DLGAP1: variants seen among roughly 807,000 people sequenced by gnomAD.
DLGAP1 encodes disks large-associated protein 1.
Under a neutral mutation model 90.8 loss-of-function variants are expected in DLGAP1, and 11 were observed. The ratio of observed to expected loss-of-function variants is 0.12; its 90% CI spans 0.08 to 0.20. The LOEUF (loss-of-function observed/expected upper bound fraction) is 0.20. DLGAP1 is among the 10% of genes least tolerant of loss of function. The pLI, the probability that DLGAP1 is intolerant of heterozygous loss-of-function variation, is 1.00. For synonymous variants in DLGAP1, 558 were observed against 540.7 expected (o/e 1.03, Z -0.44); for missense variants, 1,050 against 1,333.8 (o/e 0.79, Z 3.31).
At chr18:4,054,313 A>AT (rs539444103) in intron 2 of DLGAP1, among the ~76,000 whole-genome samples, 4 of 152,052 alleles carry the variant, frequency 2.6e-5, no homozygotes, top group South Asian at 2.1e-4. Context: ...TTTAGAATTG[A>AT]TTTTTTTTCT....
intron 1 of DLGAP1, among the ~76,000 whole-genome samples, chr18:4,403,405 T>G (rs1426350615): frequency 2.6e-5 from 4 of 152,110 alleles, no homozygotes; most frequent in African/African-American, 7.2e-5. Flanking sequence ...TTTTCAAAAC[T>G]CGGTATTACA....
chr18:3,607,838 C>T (rs1041693397), intron 7 of DLGAP1: 5 of 152,182 alleles, frequency 3.3e-5, no homozygotes, highest in South Asian at 4.1e-4. Flanking sequence ...CCTCCCTACA[C>T]GTGGAGGCTG....
At chr18:4,368,360 G>A (rs1364129397) in intron 1 of DLGAP1, among the ~76,000 whole-genome samples, 1 of 152,128 alleles carries the variant, frequency 6.6e-6, no homozygotes, top group Non-Finnish European at 1.5e-5. Flanking sequence ...TGTGAAGGTA[G>A]GCTTTTTTAT....
At chr18:3,961,372 C>T (rs1305096902) in intron 3 of DLGAP1, among the ~76,000 whole-genome samples, 3 of 152,128 alleles carry the variant, frequency 2.0e-5, no homozygotes, top group Non-Finnish European at 4.4e-5. Flanking sequence ...AGCCTTTTTG[C>T]AATCCCACTT....
chr18:3,801,182 G>A (rs902011557), intron 5 of DLGAP1, among the ~76,000 whole-genome samples: 1 of 152,080 alleles, frequency 6.6e-6, no homozygotes, highest in African/African-American at 2.4e-5. Context: ...TTAGGGATCC[G>A]CCCCCAAGAC....
intron 1 of DLGAP1, among the ~76,000 whole-genome samples, chr18:4,152,838 T>G (rs926897862): frequency 2.0e-4 from 30 of 152,232 alleles, no homozygotes; most frequent in African/African-American, 7.0e-4. Flanking sequence ...TGCTAAGTAT[T>G]TTCAATATTC....
At chr18:4,265,876 T>G (rs892504065) in intron 1 of DLGAP1, among the ~76,000 whole-genome samples, 10 of 150,956 alleles carry the variant, frequency 6.6e-5, no homozygotes, top group Admixed American at 2.6e-4. Flanking sequence ...TTTGGAGAGA[T>G]AGGGTTTCCC....
chr18:4,303,440 C>A (rs1047390641), intron 1 of DLGAP1, among the ~76,000 whole-genome samples: 1 of 152,128 alleles, frequency 6.6e-6, no homozygotes, highest in Non-Finnish European at 1.5e-5. Context: ...CAAGAAGCAA[C>A]CCCCACAAAC....
Position 3,653,498 on chromosome 18 carries a change from GA to G in DLGAP1, c.1592-71251del. On this transcript the variant is annotated intron_variant, in intron 7 of 12. Coordinates refer to ENST00000315677, the MANE Select transcript of DLGAP1 (RefSeq NM_004746.4). The surrounding 1 kb of genome is among the most constrained non-coding windows in gnomAD (Gnocchi z 4.6). ...TTCCACCTTTAACCTTAGCATTCAT[GA>G]GACACAAAATGGGTTTTTCTTTTTG... The G allele has an allele frequency of 6.6e-6, 1 of 152,264 alleles. No individual in the cohort carries two copies. Among genetic ancestry groups the G allele is most frequent in the Admixed American group, 6.5e-5 (1 of 15,294 alleles). The allele number at this position is 152,264 out of a possible 1,614,324, so 9.4% of individuals were successfully genotyped here.
intron 7 of DLGAP1, among the ~76,000 whole-genome samples, chr18:3,612,197 T>C (rs1599540629): frequency 6.6e-6 from 1 of 152,126 alleles, no homozygotes; most frequent in East Asian, 1.9e-4. Context: ...CTCAAAATAT[T>C]AAAAATAATG....
chr18:4,281,526 C>T (rs1481215274), intron 1 of DLGAP1, among the ~76,000 whole-genome samples: 3 of 152,076 alleles, frequency 2.0e-5, no homozygotes, highest in Non-Finnish European at 4.4e-5. Context: ...TGCACTGCAA[C>T]CTGGGAAACG....
chr18:3,820,961 T>G (rs974553953), intron 4 of DLGAP1, among the ~76,000 whole-genome samples: 21 of 152,222 alleles, frequency 1.4e-4, no homozygotes, highest in Non-Finnish European at 2.4e-4. Flanking sequence ...GAAATAGGCA[T>G]TACTATTTCC....
chr18:3,741,117 A>ATCG, intron 6 of DLGAP1, among the ~76,000 whole-genome samples: 1 of 117,254 alleles, frequency 8.5e-6, no homozygotes, highest in African/African-American at 3.5e-5. Context: ...CATCACCACC[A>ATCG]CCATCACCAC....
At chr18:3,510,033 G>A (rs564399952) in intron 10 of DLGAP1, among the ~76,000 whole-genome samples, 1 of 152,316 alleles carries the variant, frequency 6.6e-6, no homozygotes, top group East Asian at 1.9e-4. Context: ...TTAGGCCTAA[G>A]TTTTTAACAA....
intron 2 of DLGAP1, among the ~76,000 whole-genome samples, chr18:4,113,002 A>G (rs1290570815): frequency 1.3e-5 from 2 of 152,092 alleles, no homozygotes; most frequent in African/African-American, 4.8e-5. Context: ...TCCTTTATCC[A>G]ATCCATTGCT....
chr18:3,887,721 C>A (rs2071353469), intron 3 of DLGAP1, among the ~76,000 whole-genome samples: 1 of 152,022 alleles, frequency 6.6e-6, no homozygotes, highest in African/African-American at 2.4e-5. Flanking sequence ...ATGATGAATG[C>A]CCAACAGGCT....
At chr18:3,547,301 C>CAAAAAAA (rs765095049) in intron 9 of DLGAP1, among the ~76,000 whole-genome samples, 20 of 45,368 alleles carry the variant, frequency 4.4e-4, no homozygotes, top group African/African-American at 7.9e-4. Flanking sequence ...GACTCCGTCT[C>CAAAAAAA]AAAAAAAAAA....
chr18:3,760,181 AG>A (rs1031180734), intron 5 of DLGAP1, among the ~76,000 whole-genome samples: 6 of 152,084 alleles, frequency 3.9e-5, no homozygotes, highest in African/African-American at 1.4e-4. Flanking sequence ...TGTGGGGGGC[AG>A]GGGTGGTAGG....
intron 7 of DLGAP1, among the ~76,000 whole-genome samples, chr18:3,647,797 G>T (rs1030827973): frequency 3.3e-5 from 5 of 152,132 alleles, no homozygotes; most frequent in Non-Finnish European, 7.4e-5. Context: ...GGAGTGCTAA[G>T]TAGCATTACC....
Sources: gnomAD v4.1 joint callset for allele counts (sites outside exome capture counted in the v4.1 genomes callset) on GRCh38, gnomAD v4.1.1 for gene constraint, Gnocchi (gnomAD v3.1) non-coding constraint, MANE v1.5 for transcripts, NCBI Gene and HGNC (gene_info 2026-07-23, HGNC 2026-07-21) for gene names.